Variants in SEL1L3 observed in about 807,000 individuals in gnomAD.
SEL1L3 encodes the protein SEL1L family member 3.
Under a neutral mutation model 142.8 loss-of-function variants are expected in SEL1L3, and 76 were observed. The ratio of observed to expected loss-of-function variants is 0.53; its 90% CI spans 0.44 to 0.64. The LOEUF (loss-of-function observed/expected upper bound fraction) is 0.64. SEL1L3 is among the 30% of genes least tolerant of loss of function. SEL1L3 has a pLI of 0.00. For missense variants in SEL1L3, 1,262 were observed against 1,381.7 expected (o/e 0.91, Z 1.37); for synonymous variants, 504 against 519.6 (o/e 0.97, Z 0.41).
chr4:25,791,761 T>C (rs893310916), intron 11 of SEL1L3, among the ~76,000 whole-genome samples: 1 of 152,048 alleles, frequency 6.6e-6, no homozygotes, highest in Non-Finnish European at 1.5e-5. Flanking sequence ...TAAAAATACA[T>C]AATTTAATGG....
intron 3 of SEL1L3, among the ~76,000 whole-genome samples, chr4:25,834,989 G>T (rs1715703604): frequency 1.3e-5 from 2 of 152,198 alleles, no homozygotes; most frequent in South Asian, 4.1e-4. Flanking sequence ...AAGGCAAATT[G>T]AGGATTGTTA....
chr4:25,863,477 G>T, upstream of SEL1L3: 1 of 702,828 alleles, frequency 1.4e-6, no homozygotes, highest in East Asian at 2.7e-5. Context: ...CGTGCAATGG[G>T]TTTTTGTCTG....
intron 1 of SEL1L3, chr4:25,862,236 G>C (rs1717762328): frequency 6.7e-6 from 1 of 149,010 alleles, no homozygotes; most frequent in Non-Finnish European, 1.5e-5. Context: ...GGCGCCGAGA[G>C]TAAGAGGCGA....
At chr4:25,761,212 A>G (rs1718352655) in intron 20 of SEL1L3, among the ~76,000 whole-genome samples, 1 of 152,180 alleles carries the variant, frequency 6.6e-6, no homozygotes, top group Non-Finnish European at 1.5e-5. Flanking sequence ...GTTGAGTGCA[A>G]TGGTGTGATC....
At chr4:25,854,082 T>A (rs1717080890) in intron 1 of SEL1L3, among the ~76,000 whole-genome samples, 1 of 152,130 alleles carries the variant, frequency 6.6e-6, no homozygotes. Context: ...AAATTTGAGG[T>A]CAGCTGACTT....
intron 1 of SEL1L3, among the ~76,000 whole-genome samples, chr4:25,849,225 T>C (rs563434802): frequency 2.0e-5 from 3 of 152,266 alleles, no homozygotes; most frequent in African/African-American, 7.2e-5. Context: ...TGAAGAGATG[T>C]TTGTACACCC....
chr4:25,753,941 AC>A (rs1380538091), intron 23 of SEL1L3, among the ~76,000 whole-genome samples: 1 of 151,826 alleles, frequency 6.6e-6, no homozygotes, highest in African/African-American at 2.4e-5. Flanking sequence ...CTGAGATTGT[AC>A]CACTGTACTC....
rs371317478 is a variant in SEL1L3 at position 25,835,182 on chromosome 4, G to C, written c.860+15C>G. On this transcript the variant is annotated intron_variant, in intron 3 of 23. Coordinates refer to ENST00000399878, the MANE Select transcript of SEL1L3 (RefSeq NM_015187.5). ...AGCACCGCCCGATCAGCTCCCTTCT[G>C]CTACCCATCCTTACACTGGGTAATC... is the stretch of plus-strand genomic sequence containing the variant. The C allele has an allele frequency of 5.0e-5, 80 of 1,613,596 alleles. No homozygotes were observed. Among genetic ancestry groups the C allele is most frequent in the Non-Finnish European group, 6.7e-5 (79 of 1,179,668 alleles).
At chr4:25,763,312 G>T (rs1172953743) in intron 20 of SEL1L3, among the ~76,000 whole-genome samples, 1 of 152,130 alleles carries the variant, frequency 6.6e-6, no homozygotes, top group African/African-American at 2.4e-5. Flanking sequence ...AATAGATCAT[G>T]TCCACTGAGT....
the SEL1L3 span, chr4:25,720,067 A>C: frequency 6.6e-6 from 1 of 152,166 alleles, no homozygotes; most frequent in Non-Finnish European, 1.5e-5. Flanking sequence ...AATGAGTTGA[A>C]ATCATTTATT....
At chr4:25,832,758 T>A (rs1410262625) in intron 5 of SEL1L3, among the ~76,000 whole-genome samples, 2 of 152,230 alleles carry the variant, frequency 1.3e-5, no homozygotes, top group Non-Finnish European at 2.9e-5. Flanking sequence ...CTGTATGCTT[T>A]ATTCATTCAC....
At position 25,833,072 on chromosome 4, in the gene SEL1L3, C is replaced by A; in HGVS notation, c.1021G>T (p.Asp341Tyr). 1.2e-6 allele frequency: 2 copies of A among 1,612,212 alleles called. No individual in the cohort carries two copies. The highest frequency in any genetic ancestry group is 1.1e-5 in the South Asian group (1 of 91,040). The change falls in exon 5 of 24, where the codon GAC becomes TAC. Residue 341 changes from aspartate (D) to tyrosine (Y), a missense_variant. Physicochemically the swap from Asp to Tyr is radical, Grantham distance 160. Coordinates refer to ENST00000399878, the MANE Select transcript of SEL1L3 (RefSeq NM_015187.5). ...HIQMHLVKGE[D>Y]LAVKTKFIIP... ...ATGAATTTAGTTTTTACAGCAAGGTCTTCCCCTTTGACAAGATGCATCTGA... is the reference window on the plus strand; with the variant it reads ...ATGAATTTAGTTTTTACAGCAAGGTATTCCCCTTTGACAAGATGCATCTGA...
intron 11 of SEL1L3, among the ~76,000 whole-genome samples, chr4:25,796,149 G>T (rs1333413007): frequency 6.6e-6 from 1 of 152,202 alleles, no homozygotes; most frequent in Non-Finnish European, 1.5e-5. Flanking sequence ...CCAGTGTCTG[G>T]AGACAAAGCA....
At chr4:25,770,935 G>A (rs1719135058) in intron 17 of SEL1L3, among the ~76,000 whole-genome samples, 1 of 152,278 alleles carries the variant, frequency 6.6e-6, no homozygotes, top group Middle Eastern at 3.4e-3. Context: ...TAAAACTTCT[G>A]AGACAATGCC....
At chr4:25,782,932 C>G (rs7697806) in intron 14 of SEL1L3, among the ~76,000 whole-genome samples, 44,781 of 152,024 alleles carry the variant, frequency 0.29, 7,199 homozygotes, top group African/African-American at 0.42. Context: ...ATGGTTCTGA[C>G]AGTGGGTTCA....
At chr4:25,814,880 T>C (rs572836234) in intron 9 of SEL1L3, among the ~76,000 whole-genome samples, 1 of 152,154 alleles carries the variant, frequency 6.6e-6, no homozygotes, top group East Asian at 1.9e-4. Context: ...GAAGATGTTA[T>C]GATAGCCCCA....
intron 20 of SEL1L3, among the ~76,000 whole-genome samples, chr4:25,760,680 C>A (rs533157553): frequency 6.6e-6 from 1 of 152,246 alleles, no homozygotes; most frequent in African/African-American, 2.4e-5. Context: ...TCCCTCTGAC[C>A]TTGCCTCTGA....
At chr4:25,791,364 A>G (rs907357952) in intron 11 of SEL1L3, among the ~76,000 whole-genome samples, 1 of 152,266 alleles carries the variant, frequency 6.6e-6, no homozygotes, top group African/African-American at 2.4e-5. Context: ...CAAAATGTTT[A>G]GAATTTGCAC....
rs112955473 is a variant in SEL1L3 at position 25,817,596 on chromosome 4, C to T, written c.1564+542G>A. Among the ~76,000 whole-genome samples, 1,431 of 152,166 alleles carry T rather than the reference C, an allele frequency of 9.4e-3. 24 individuals are homozygous for T. Among genetic ancestry groups the T allele is most frequent in the African/African-American group, 0.032 (1,342 of 41,510 alleles). On this transcript the variant is annotated intron_variant, in intron 9 of 23. Transcript: ENST00000399878. Reference sequence around the variant, plus strand: ...ACGTTCAAGTGTCTGTGGGCTCAGACGGGTCAGATCCATGAATGAAGTAAG... The same window carrying T: ...ACGTTCAAGTGTCTGTGGGCTCAGATGGGTCAGATCCATGAATGAAGTAAG...
Sources: gnomAD v4.1 joint callset for allele counts (sites outside exome capture counted in the v4.1 genomes callset) on GRCh38, gnomAD v4.1.1 for gene constraint, MANE v1.5 for transcripts, NCBI Gene and HGNC (gene_info 2026-07-23, HGNC 2026-07-21) for gene names.